Variants in SSBP2 observed in about 807,000 individuals in gnomAD.
The protein encoded by SSBP2 is single stranded DNA binding protein 2.
Under a neutral mutation model 61.8 loss-of-function variants are expected in SSBP2, and 17 were observed. The ratio of observed to expected loss-of-function variants is 0.28; its 90% CI spans 0.19 to 0.41. The LOEUF (loss-of-function observed/expected upper bound fraction) is 0.41, where lower values mean the gene tolerates loss of function less well. Ranked by LOEUF, SSBP2 falls within the 10% of genes least tolerant of loss-of-function variation. The probability of loss-of-function intolerance (pLI) is 1.00; values close to 1 mark genes in which losing one functional copy is unlikely to be tolerated. For missense variants in SSBP2, 310 were observed against 458.7 expected, an observed-to-expected ratio of 0.68 and a Z score of 2.96; for synonymous variants, 139 against 141.3, an observed-to-expected ratio of 0.98 and a Z score of 0.12.
rs369167997 is a variant in SSBP2 at position 81,578,518 on chromosome 5, C to G, written c.282+36955G>C. Among the ~76,000 whole-genome samples, 8 of 150,460 alleles carry G rather than the reference C, an allele frequency of 5.3e-5. No individual in the cohort carries two copies. In the East Asian group the frequency reaches 1.4e-3, roughly 26 times the overall value. On this transcript the variant is annotated intron_variant, in intron 4 of 16. Coordinates refer to ENST00000320672, the MANE Select transcript of SSBP2 (RefSeq NM_012446.5). ...AATTTAACAAGAACAGGGAAAAGGG[C>G]CAAAGATTTTTAAAAAGTATCAAAG...
chr5:81,662,058 A>G (rs1750739459), intron 1 of SSBP2, among the ~76,000 whole-genome samples: 1 of 152,190 alleles, frequency 6.6e-6, no homozygotes, highest in Non-Finnish European at 1.5e-5. Flanking sequence ...CTGCATGCAA[A>G]TATAATACAG....
At chr5:81,697,391 A>C (rs903382751) in intron 1 of SSBP2, among the ~76,000 whole-genome samples, 1 of 152,208 alleles carries the variant, frequency 6.6e-6, no homozygotes, top group Non-Finnish European at 1.5e-5. Flanking sequence ...GGTTTATTTC[A>C]TTCACTTAAA....
At chr5:81,652,584 A>G (rs1749825912) in intron 1 of SSBP2, among the ~76,000 whole-genome samples, 1 of 152,160 alleles carries the variant, frequency 6.6e-6, no homozygotes, top group Non-Finnish European at 1.5e-5. Flanking sequence ...AAACCTATCT[A>G]TAATGCTACC....
chr5:81,623,161 A>C (rs1746782836), intron 3 of SSBP2, among the ~76,000 whole-genome samples: 1 of 152,150 alleles, frequency 6.6e-6, no homozygotes, highest in African/African-American at 2.4e-5. Flanking sequence ...GAAGTTTTGT[A>C]ATGTAGTCTT....
intron 1 of SSBP2, among the ~76,000 whole-genome samples, chr5:81,704,574 G>C (rs1561710323): frequency 6.6e-6 from 1 of 152,102 alleles, no homozygotes; most frequent in Non-Finnish European, 1.5e-5. Flanking sequence ...AAGGCAGGTG[G>C]ATCACCAGGT....
chr5:81,672,849 C>G (rs1346947853), intron 1 of SSBP2, among the ~76,000 whole-genome samples: 1 of 151,758 alleles, frequency 6.6e-6, no homozygotes, highest in Non-Finnish European at 1.5e-5. Flanking sequence ...GCTGGGATTA[C>G]AGGCGTTAGC....
intron 12 of SSBP2, among the ~76,000 whole-genome samples, chr5:81,443,471 AT>A (rs1408280023): frequency 8.5e-5 from 13 of 152,304 alleles, no homozygotes; most frequent in African/African-American, 3.1e-4. Flanking sequence ...AAGGCTAAAT[AT>A]TTTACATTGA....
At chr5:81,738,967 C>T (rs565462442) in intron 1 of SSBP2, among the ~76,000 whole-genome samples, 10 of 151,870 alleles carry the variant, frequency 6.6e-5, no homozygotes, top group Non-Finnish European at 1.3e-4. Flanking sequence ...GAGTTCGAGA[C>T]CAGCCTGGCC....
At chr5:81,633,106 G>GTA (rs1641894299) in intron 3 of SSBP2, among the ~76,000 whole-genome samples, 1 of 108,886 alleles carries the variant, frequency 9.2e-6, no homozygotes, top group African/African-American at 3.7e-5. Context: ...CTGAGCCTCT[G>GTA]TCTTTTTTTT....
intron 1 of SSBP2, among the ~76,000 whole-genome samples, chr5:81,748,334 C>G (rs556980028): frequency 6.6e-6 from 1 of 152,102 alleles, no homozygotes; most frequent in East Asian, 1.9e-4. Flanking sequence ...CTTTTATAAT[C>G]TGTTACCTTA....
intron 1 of SSBP2, among the ~76,000 whole-genome samples, chr5:81,747,127 G>A (rs1322113493): frequency 6.6e-6 from 1 of 150,918 alleles, no homozygotes; most frequent in African/African-American, 2.4e-5. Flanking sequence ...GATCTGCAAA[G>A]CATCAGGGTG....
intron 1 of SSBP2, among the ~76,000 whole-genome samples, chr5:81,715,153 G>A (rs544903749): frequency 6.6e-6 from 1 of 152,250 alleles, no homozygotes; most frequent in Non-Finnish European, 1.5e-5. Flanking sequence ...GAGACAGACA[G>A]GAGGGGCTGG....
chr5:81,440,507 AT>A, intron 14 of SSBP2, 50 bp downstream of exon 14: 1 of 1,516,806 alleles, frequency 6.6e-7, no homozygotes. Flanking sequence ...ACTAGGTAGA[AT>A]TAAGGTTTTG....
chr5:81,679,278 G>A (rs1056320797), intron 1 of SSBP2, among the ~76,000 whole-genome samples: 5 of 152,152 alleles, frequency 3.3e-5, no homozygotes, highest in African/African-American at 1.2e-4. Context: ...CAAAGTGCTG[G>A]GATTACAGGC....
chr5:81,636,090 G>A (rs58940374), intron 3 of SSBP2, among the ~76,000 whole-genome samples: 1 of 152,058 alleles, frequency 6.6e-6, no homozygotes, highest in African/African-American at 2.4e-5. Flanking sequence ...CATCATGATG[G>A]GACTAGTTCC....
chr5:81,506,483 C>G (rs145057409), intron 5 of SSBP2, among the ~76,000 whole-genome samples: 1 of 152,170 alleles, frequency 6.6e-6, no homozygotes, highest in African/African-American at 2.4e-5. Context: ...TCTTTTGGTT[C>G]ATTTATCTAA....
In SSBP2 at chr5:81,630,668, G is replaced by A. The variant is rs1039440356; in HGVS notation, c.197+5889C>T. 4.0e-5 allele frequency among the ~76,000 whole-genome samples: 6 copies of A among 150,388 alleles called. No individual in the cohort carries two copies. The East Asian group carries it at 9.7e-4, about 24-fold the overall frequency. On this transcript the variant is annotated intron_variant, in intron 3 of 16. Coordinates refer to ENST00000320672, the MANE Select transcript of SSBP2 (RefSeq NM_012446.5). ...AAATTAAGTTATTTAAAATACCAAC[G>A]CCATGGAAGAAGGGATCCCCTGAAT...
chr5:81,440,783 C>T, intron 13 of SSBP2, 147 bp from the exon 14 acceptor site: 1 of 594,984 alleles, frequency 1.7e-6, no homozygotes, highest in Non-Finnish European at 3.0e-6. Flanking sequence ...GTTTTTCAGC[C>T]TTGTGGATTC....
chr5:81,466,919 T>A (rs1436949172), intron 9 of SSBP2, 55 bp downstream of exon 9: 3 of 1,069,038 alleles, frequency 2.8e-6, no homozygotes, highest in Non-Finnish European at 4.1e-6. Context: ...GTATTATTTA[T>A]ATATATAAAA....
Sources: gnomAD v4.1 joint callset for allele counts (sites outside exome capture counted in the v4.1 genomes callset) on GRCh38, gnomAD v4.1.1 for gene constraint, MANE v1.5 for transcripts, NCBI Gene and HGNC (gene_info 2026-07-23, HGNC 2026-07-21) for gene names.